CCL25: variants seen among roughly 807,000 people sequenced by gnomAD.
CCL25 encodes the protein C-C motif chemokine ligand 25.
Under a neutral mutation model 19.9 loss-of-function variants are expected in CCL25, and 14 were observed. The observed-to-expected ratio is 0.70, with a 90% CI of 0.47 to 1.10. The LOEUF (loss-of-function observed/expected upper bound fraction) is 1.10. CCL25 is among the 50% of genes least tolerant of loss of function. The probability of loss-of-function intolerance (pLI) is 0.00; values close to 1 mark genes in which losing one functional copy is unlikely to be tolerated. For synonymous variants in CCL25, 68 were observed against 73.2 expected, an observed-to-expected ratio of 0.93 and a Z score of 0.36; for missense variants, 151 against 181.2, an observed-to-expected ratio of 0.83 and a Z score of 0.96.
At chr19:8,053,355 T>C (rs985803233) in intron 2 of CCL25, among the ~76,000 whole-genome samples, 1 of 151,944 alleles carries the variant, frequency 6.6e-6, no homozygotes, top group African/African-American at 2.4e-5. Context: ...GCAAGACTCC[T>C]AAAGATGTGA....
chr19:8,062,620 T>C lies in CCL25; in HGVS notation c.*395T>C, dbSNP rs191118505. ...TCCCAGGCTATGCTTTTCTATAACT[T>C]TTAAATAAACCTTGGGGGGTGATGG... On this transcript the variant is annotated 3_prime_UTR_variant, in exon 6 of 6. Coordinates refer to ENST00000315626, the MANE Select transcript of CCL25 (RefSeq NM_005624.4). 54 of 199,524 alleles carry C rather than the reference T, an allele frequency of 2.7e-4. No individual in the cohort carries two copies. The East Asian group carries it at 6.0e-3, about 22-fold the overall frequency. 12.4% of individuals were successfully genotyped at this position (199,524 alleles called of 1,614,324 possible). A position where few individuals can be genotyped will look rare whatever the true frequency, so the allele number is the denominator to read the frequency against.
In CCL25 at chr19:8,057,883, T is replaced by C. The variant is rs2303165; in HGVS notation, c.408T>C (p.Ser136=). 1,496,090 of 1,613,238 alleles carry C rather than the reference T, an allele frequency of 0.93. 694,570 individuals are homozygous for C. Among genetic ancestry groups the C allele is most frequent in the African/African-American group, 0.99 (74,010 of 75,026 alleles). The change falls in exon 5 of 6, where the codon AGT becomes AGC. Residue 136 remains serine (S), a synonymous_variant. Transcript: ENST00000315626. The part of the protein sequence containing the change: ...SSKFSNPISS[S]KRNVSLLISA... ...AGTTTAGCAATCCCATCAGCAGCAG[T>C]AAGAGGAATGTCTCCCTCCTGATAT...
chr19:8,057,326 C>G (rs1004823272), intron 4 of CCL25, among the ~76,000 whole-genome samples: 2 of 146,344 alleles, frequency 1.4e-5, no homozygotes, highest in African/African-American at 2.5e-5. Flanking sequence ...GGCTCCAGCT[C>G]ATTATTATTA....
Position 8,062,343 on chromosome 19 carries a change from C to T in CCL25, c.*118C>T. 1 of 1,140,250 alleles carries T rather than the reference C, an allele frequency of 8.8e-7. No individual in the cohort carries two copies. Among genetic ancestry groups the T allele is most frequent in the Non-Finnish European group, 1.3e-6 (1 of 761,674 alleles). The allele number at this position is 1,140,250 out of a possible 1,614,324, so 70.6% of individuals were successfully genotyped here. On this transcript the variant is annotated 3_prime_UTR_variant, in exon 6 of 6. Coordinates refer to ENST00000315626, the MANE Select transcript of CCL25 (RefSeq NM_005624.4). ...CTGTCTTTTGGGTCAAGTCTTAATC[C>T]CTGCACCTGAGTTGGTCCTCCCTCT...
At position 8,056,224 on chromosome 19, in the gene CCL25, A is replaced by C; in HGVS notation, c.146A>C (p.Tyr49Ser). 6.4e-7 allele frequency: 1 copy of C among 1,559,518 alleles called. No individual in the cohort carries two copies. Among genetic ancestry groups the C allele is most frequent in the Non-Finnish European group, 8.7e-7 (1 of 1,151,190 alleles). Residue 49 changes from tyrosine to serine, a missense_variant, in exon 3 of 6, where the codon TAC becomes TCC. Physicochemically the swap from Tyr to Ser is moderately radical, Grantham distance 144 (BLOSUM62 -2). Coordinates refer to ENST00000315626, the MANE Select transcript of CCL25 (RefSeq NM_005624.4). ...GWAVLRRAWT[Y>S]RIQEVSGSCN... is the part of the protein sequence containing the mutation. Reference sequence around the variant, plus strand: ...GCTGTGCTCCGGCGCGCCTGGACTTACCGGATCCAGGAGGTGAGCGGGAGC... The same window carrying C: ...GCTGTGCTCCGGCGCGCCTGGACTTCCCGGATCCAGGAGGTGAGCGGGAGC...
Position 8,053,030 on chromosome 19 carries a change from G to T in CCL25, c.-20G>T. 1.3e-6 allele frequency: 2 copies of T among 1,543,144 alleles called. No individual in the cohort carries two copies. Among genetic ancestry groups the T allele is most frequent in the Admixed American group, 2.0e-5 (1 of 50,386 alleles). On this transcript the variant is annotated 5_prime_UTR_variant, in exon 2 of 6. Coordinates refer to ENST00000315626, the MANE Select transcript of CCL25 (RefSeq NM_005624.4). ...CCCGTTATTCGTCCAGGTGCCCAGG[G>T]AGGAGGACCCGCCTGCAGCATGAAC...
At chr19:8,053,985 TA>T in intron 2 of CCL25, among the ~76,000 whole-genome samples, 1 of 152,294 alleles carries the variant, frequency 6.6e-6, no homozygotes, top group East Asian at 1.9e-4. Context: ...GCGGCAATAG[TA>T]ACTGTTCCTG....
At chr19:8,059,860 T>C (rs2081305864) in intron 5 of CCL25, among the ~76,000 whole-genome samples, 1 of 150,650 alleles carries the variant, frequency 6.6e-6, no homozygotes, top group Non-Finnish European at 1.5e-5. Context: ...GAGGCGGAGG[T>C]GGGTGGATCA....
At position 8,057,875 on chromosome 19, in the gene CCL25, A is replaced by T. The variant is rs1028993838; in HGVS notation, c.400A>T (p.Ser134Cys). 6.2e-7 allele frequency: 1 copy of T among 1,613,580 alleles called. No individual in the cohort carries two copies. The change falls in exon 5 of 6, where the codon AGC becomes TGC. Residue 134 changes from serine to cysteine, a missense_variant. By Grantham distance (112) the Ser-to-Cys change is moderately radical (BLOSUM62 -1). Coordinates refer to ENST00000315626, the MANE Select transcript of CCL25 (RefSeq NM_005624.4). ...ATCGTCCAAGTTTAGCAATCCCATC[A>T]GCAGCAGTAAGAGGAATGTCTCCCT... ...LSSSKFSNPI[S>C]SSKRNVSLLI...
chr19:8,053,137 A>G lies in CCL25; in HGVS notation c.73+15A>G. 6.5e-7 allele frequency: 1 copy of G among 1,530,564 alleles called. No individual in the cohort carries two copies. The highest frequency in any genetic ancestry group is 8.8e-7 in the Non-Finnish European group (1 of 1,131,862). 94.8% of individuals were successfully genotyped at this position (1,530,564 alleles called of 1,614,324 possible). A position where few individuals can be genotyped will look rare whatever the true frequency, so the allele number is the denominator to read the frequency against. On this transcript the variant is annotated intron_variant, in intron 2 of 5. Transcript: ENST00000315626. ...CCACACCCAAGGTACTGTGTTCGGC[A>G]ATGCCTACCACCAAGTGCCCCTCTC...
Position 8,058,331 on chromosome 19 carries a change from TATAA to T in CCL25, c.445+415_445+418del, listed in dbSNP as rs1194161208. Among the ~76,000 whole-genome samples the T allele has an allele frequency of 5.5e-3, 503 of 91,612 alleles. 3 individuals carry two copies. Among genetic ancestry groups the T allele is most frequent in the Non-Finnish European group, 9.1e-3 (362 of 39,778 alleles). 60.1% of individuals were successfully genotyped at this position (91,612 alleles called of 152,430 possible). ...ATAATATATAAGTAAATATATAATA[TATAA>T]ATATATATAATATATATAAGTAAAT... On this transcript the variant is annotated intron_variant, in intron 5 of 5. Coordinates refer to ENST00000315626, the MANE Select transcript of CCL25 (RefSeq NM_005624.4).
chr19:8,060,659 A>G (rs929780215), intron 5 of CCL25, among the ~76,000 whole-genome samples: 2 of 150,944 alleles, frequency 1.3e-5, no homozygotes, highest in Non-Finnish European at 2.9e-5. Context: ...CTGGGACTGC[A>G]GGCCAGTACC....
upstream of CCL25, chr19:8,052,759 T>C: frequency 2.5e-6 from 1 of 402,290 alleles, no homozygotes; most frequent in Non-Finnish European, 4.4e-6. Context: ...GTGTTGGTCC[T>C]GCAGATGGGA....
intron 5 of CCL25, among the ~76,000 whole-genome samples, chr19:8,058,806 C>G (rs993160441): frequency 2.9e-5 from 4 of 139,662 alleles, no homozygotes; most frequent in African/African-American, 1.0e-4. Flanking sequence ...CTACAGGCGC[C>G]CGCCACCACG....
rs185286852 is a variant in CCL25 at position 8,056,491 on chromosome 19, C to A, written c.317C>A (p.Thr106Asn). The change falls in exon 4 of 6, where the codon ACC becomes AAC. Residue 106 changes from threonine (T) to asparagine (N), a missense_variant. Physicochemically the swap from Thr to Asn is moderately conservative, Grantham distance 65. Transcript: ENST00000315626. ...GCAAAGCTCCACCACAACACGCAGACCTTCCAAGGTGGGCAAGACCTCTGC... is the reference window on the plus strand; with the variant it reads ...GCAAAGCTCCACCACAACACGCAGAACTTCCAAGGTGGGCAAGACCTCTGC... ...VFAKLHHNTQ[T>N]FQAGPHAVKK... 8.7e-6 allele frequency: 14 copies of A among 1,614,096 alleles called. No individual in the cohort carries two copies. Among genetic ancestry groups the A allele is most frequent in the Admixed American group, 6.7e-5 (4 of 60,020 alleles).
At chr19:8,060,206 T>C (rs1599234331) in intron 5 of CCL25, among the ~76,000 whole-genome samples, 1 of 149,500 alleles carries the variant, frequency 6.7e-6, no homozygotes, top group Admixed American at 6.7e-5. Context: ...CTAGTTGTGG[T>C]GGCATGCACC....
At chr19:8,056,538 C>T (rs368432937) in intron 4 of CCL25, 39 bp downstream of exon 4, 99 of 1,610,838 alleles carry the variant, frequency 6.1e-5, no homozygotes, top group Non-Finnish European at 8.1e-5. Context: ...GGGGCCTGCC[C>T]TCCCTGCCTG....
chr19:8,056,714 C>G (rs2081275120), intron 4 of CCL25, among the ~76,000 whole-genome samples: 1 of 152,226 alleles, frequency 6.6e-6, no homozygotes, highest in Non-Finnish European at 1.5e-5. Flanking sequence ...GGGTCTTGCT[C>G]TGTTGCCCAG....
intron 2 of CCL25, among the ~76,000 whole-genome samples, chr19:8,053,760 A>C (rs893384029): frequency 6.6e-6 from 1 of 151,618 alleles, no homozygotes; most frequent in Non-Finnish European, 1.5e-5. Flanking sequence ...TGTTGGCCAG[A>C]GTAGTCTCGA....
Sources: allele counts gnomAD v4.1 joint callset (sites outside exome capture counted in the v4.1 genomes callset), GRCh38; gene constraint gnomAD v4.1.1; transcripts MANE v1.5; gene names NCBI Gene and HGNC (gene_info 2026-07-23, HGNC 2026-07-21).